Variants in FGF14 observed in about 807,000 individuals in gnomAD.
The protein encoded by FGF14 is fibroblast growth factor 14, also known as fibroblast growth factor homologous factor 4.
A neutral mutation model predicts 25.5 loss-of-function variants in FGF14; 5 were observed. The observed-to-expected ratio is 0.20, with a 90% confidence interval of 0.10 to 0.41. The LOEUF (loss-of-function observed/expected upper bound fraction) is 0.41, where lower values mean the gene tolerates loss of function less well. FGF14 is among the 10% of genes least tolerant of loss of function. FGF14 has a pLI of 1.00. For synonymous variants in FGF14, 138 were observed against 118.3 expected, an observed-to-expected ratio of 1.17 and a Z score of -1.08; for missense variants, 222 against 320.1, an observed-to-expected ratio of 0.69 and a Z score of 2.34.
At chr13:102,390,620 G>A (rs2139228102) in intron 1 of FGF14, among the ~76,000 whole-genome samples, 1 of 152,238 alleles carries the variant, frequency 6.6e-6, no homozygotes, top group East Asian at 1.9e-4. Context: ...ATCTTTTCAT[G>A]CTTGGGCTTC....
At chr13:101,856,669 G>T (rs2044141549) in intron 3 of FGF14, among the ~76,000 whole-genome samples, 1 of 151,924 alleles carries the variant, frequency 6.6e-6, no homozygotes, top group South Asian at 2.1e-4. Context: ...TGCATTGTAA[G>T]CATTTTACCT....
intron 1 of FGF14, among the ~76,000 whole-genome samples, chr13:102,372,835 G>A (rs376798693): frequency 1.3e-5 from 2 of 152,068 alleles, no homozygotes; most frequent in African/African-American, 4.8e-5. Flanking sequence ...TTTCTACAAC[G>A]CAGGGGCTAC....
chr13:102,059,117 A>T (rs933565039), intron 1 of FGF14, among the ~76,000 whole-genome samples: 3 of 152,140 alleles, frequency 2.0e-5, no homozygotes, highest in African/African-American at 7.2e-5. Context: ...CAGAACCAAT[A>T]AAGAATGTGC....
intron 1 of FGF14, among the ~76,000 whole-genome samples, chr13:101,915,881 T>C: frequency 6.6e-6 from 1 of 152,214 alleles, no homozygotes; most frequent in East Asian, 1.9e-4. Flanking sequence ...CTAAGCAGCC[T>C]TCTGCTGAAC....
intron 3 of FGF14, among the ~76,000 whole-genome samples, chr13:101,769,743 T>C (rs1345874555): frequency 6.6e-6 from 1 of 152,074 alleles, no homozygotes; most frequent in African/African-American, 2.4e-5. Context: ...CTGCATGACA[T>C]ACTGTAAAAG....
At chr13:101,819,502 C>A (rs1440509498) in intron 3 of FGF14, among the ~76,000 whole-genome samples, 1 of 152,094 alleles carries the variant, frequency 6.6e-6, no homozygotes, top group Non-Finnish European at 1.5e-5. Context: ...CCATTATATT[C>A]TACCTATCAG....
At chr13:102,075,876 A>G (rs1359170750) in intron 1 of FGF14, among the ~76,000 whole-genome samples, 1 of 152,238 alleles carries the variant, frequency 6.6e-6, no homozygotes, top group African/African-American at 2.4e-5. Context: ...GTTCTTAACA[A>G]AAACATTTAA....
chr13:102,252,405 C>T (rs1356008953), intron 1 of FGF14, among the ~76,000 whole-genome samples: 1 of 152,088 alleles, frequency 6.6e-6, no homozygotes, highest in Non-Finnish European at 1.5e-5. Context: ...CTTAACAAGG[C>T]GAGGATTTCA....
intron 1 of FGF14, among the ~76,000 whole-genome samples, chr13:102,377,722 C>A (rs1195231656): frequency 1.3e-5 from 2 of 152,168 alleles, no homozygotes; most frequent in Non-Finnish European, 2.9e-5. Context: ...GCAGGAGAAT[C>A]ACTTGAACCC....
chr13:102,069,188 G>A (rs1335067470), intron 1 of FGF14, among the ~76,000 whole-genome samples: 3 of 152,142 alleles, frequency 2.0e-5, no homozygotes, highest in Non-Finnish European at 4.4e-5. Context: ...GTTTGTGAGT[G>A]CGCCAATTGA....
chr13:101,917,179 G>T (rs1426805106), upstream of FGF14, among the ~76,000 whole-genome samples: 4 of 150,350 alleles, frequency 2.7e-5, no homozygotes, highest in Non-Finnish European at 5.9e-5. Context: ...TGCCGCCGCC[G>T]GCGCCGCCCG....
chr13:101,723,560 A>G (rs951898088), intron 4 of FGF14, among the ~76,000 whole-genome samples: 5 of 152,112 alleles, frequency 3.3e-5, no homozygotes, highest in Non-Finnish European at 7.4e-5. Flanking sequence ...TATCATTTCA[A>G]TGTTCATTTC....
intron 1 of FGF14, among the ~76,000 whole-genome samples, chr13:101,906,192 T>C (rs2032221237): frequency 6.6e-6 from 1 of 152,122 alleles, no homozygotes; most frequent in Admixed American, 6.6e-5. Context: ...TACCCCAAGT[T>C]TGGCCTCAGC....
chr13:102,179,131 G>A (rs1002916417), intron 1 of FGF14, among the ~76,000 whole-genome samples: 3 of 152,088 alleles, frequency 2.0e-5, no homozygotes, highest in Non-Finnish European at 4.4e-5. Flanking sequence ...GCAGAGAAGC[G>A]AGTCGTAACA....
At chr13:101,826,376 C>T (rs1980697) in intron 3 of FGF14, among the ~76,000 whole-genome samples, 11,541 of 151,978 alleles carry the variant, frequency 0.076, 506 homozygotes, top group Non-Finnish European at 0.085. Context: ...CACTAAATAC[C>T]CACATTGACA....
chr13:102,072,801 T>C (rs145708202), intron 1 of FGF14, among the ~76,000 whole-genome samples: 1 of 152,252 alleles, frequency 6.6e-6, no homozygotes, highest in African/African-American at 2.4e-5. Flanking sequence ...AATAGAGAAA[T>C]AAGAGTTGTA....
intron 1 of FGF14, among the ~76,000 whole-genome samples, chr13:102,161,638 A>AG (rs1566764930): frequency 7.8e-4 from 9 of 11,584 alleles, no homozygotes; most frequent in Non-Finnish European, 1.3e-3. Context: ...GAAGAAGAAG[A>AG]AGAAGAAGAA....
chr13:101,963,585 C>G (rs2224724), intron 1 of FGF14, among the ~76,000 whole-genome samples: 23,942 of 152,192 alleles, frequency 0.16, 2,174 homozygotes, highest in Admixed American at 0.28. Flanking sequence ...ATTTTCTACA[C>G]ATAAATGCAT....
intron 1 of FGF14, among the ~76,000 whole-genome samples, chr13:102,111,777 CAA>C (rs10602468): frequency 2.2e-5 from 3 of 137,674 alleles, no homozygotes; most frequent in Non-Finnish European, 4.9e-5. Flanking sequence ...AACCATCAAA[CAA>C]AAAAAAAAAA....
Sources: allele counts gnomAD v4.1 joint callset (sites outside exome capture counted in the v4.1 genomes callset), GRCh38; gene constraint gnomAD v4.1.1; transcripts MANE v1.5; gene names NCBI Gene and HGNC (gene_info 2026-07-23, HGNC 2026-07-21).